KIAA1549: variants seen among roughly 807,000 people sequenced by gnomAD.
KIAA1549 encodes UPF0606 protein KIAA1549.
KIAA1549 carries 70 observed loss-of-function variants against 156.4 expected under a neutral mutation model. The ratio of observed to expected loss-of-function variants is 0.45; its 90% CI spans 0.37 to 0.55. KIAA1549 has a LOEUF of 0.55. KIAA1549 is among the 20% of genes least tolerant of loss of function. The probability of loss-of-function intolerance (pLI) is 0.00; values close to 1 mark genes in which losing one functional copy is unlikely to be tolerated. For missense variants in KIAA1549, 2,428 were observed against 2,540.9 expected, an observed-to-expected ratio of 0.96 and a Z score of 0.96; for synonymous variants, 1,103 against 1,066.4, an observed-to-expected ratio of 1.03 and a Z score of -0.67.
rs1157521344 is a variant in KIAA1549, at chr7:138,867,988, T to C, written c.4916A>G (p.Tyr1639Cys). 4 of 1,613,744 alleles carry C rather than the reference T, an allele frequency of 2.5e-6. No homozygotes were observed. Among genetic ancestry groups the C allele is most frequent in the Non-Finnish European group, 3.4e-6 (4 of 1,179,814 alleles). ...RRPPGVHNSA[Y>C]IGCPSDPDLP... ...GGTGGCACGCACTGGGCATCCGATG[T>C]AGGCTGAGTTGTGGACGCCGGGGGG... is the stretch of plus-strand genomic sequence containing the variant. The change falls in exon 15 of 20, where the codon TAC (tyrosine) becomes TGC (cysteine). Residue 1639 changes from tyrosine to cysteine, a missense_variant. Physicochemically the swap from Tyr to Cys is radical, Grantham distance 194 (BLOSUM62 -2). Around this residue, in one of 5 missense-constraint regions of KIAA1549, gnomAD observed 404 missense variants for 417.0 expected, o/e 0.97. Coordinates refer to ENST00000422774, the MANE Select transcript of KIAA1549 (RefSeq NM_001164665.2).
At chr7:138,876,225 G>A (rs552855193) in intron 12 of KIAA1549, 2 of 152,180 alleles carry the variant, frequency 1.3e-5, no homozygotes, top group Non-Finnish European at 2.9e-5. Context: ...CTGCCTTCAT[G>A]AAAAGATAAG....
At chr7:138,924,834 C>A (rs1017505749) in intron 1 of KIAA1549, among the ~76,000 whole-genome samples, 1 of 152,100 alleles carries the variant, frequency 6.6e-6, no homozygotes, top group African/African-American at 2.4e-5. Flanking sequence ...AATTTTCAAG[C>A]TCTAAAGCAT....
At chr7:138,956,764 T>C (rs1302003913) in intron 1 of KIAA1549, among the ~76,000 whole-genome samples, 1 of 152,226 alleles carries the variant, frequency 6.6e-6, no homozygotes, top group Non-Finnish European at 1.5e-5. Context: ...TACACCAAGT[T>C]GCTATTAATT....
In KIAA1549 at chr7:138,832,696, C is replaced by A. The variant is rs1809573453; in HGVS notation, c.*5210G>T. On this transcript the variant is annotated 3_prime_UTR_variant, in exon 20 of 20. Coordinates refer to ENST00000422774, the MANE Select transcript of KIAA1549 (RefSeq NM_001164665.2). ...TTCCAAAGGCATTTAATATTCTTTT[C>A]CTAAATTTCAATGCTGCTGTGTTTT... The A allele has an allele frequency of 9.2e-6, 2 of 217,276 alleles. No individual in the cohort carries two copies. Among genetic ancestry groups the A allele is most frequent in the Non-Finnish European group, 1.8e-5 (2 of 108,198 alleles). 13.5% of individuals were successfully genotyped at this position (217,276 alleles called of 1,614,324 possible).
At chr7:138,980,203 G>A (rs1814504694) in intron 1 of KIAA1549, among the ~76,000 whole-genome samples, 1 of 152,224 alleles carries the variant, frequency 6.6e-6, no homozygotes, top group Non-Finnish European at 1.5e-5. Flanking sequence ...CCTCAAAGTG[G>A]TCAAGTGCCT....
At chr7:138,912,008 G>A (rs1812183572) in intron 3 of KIAA1549, among the ~76,000 whole-genome samples, 1 of 152,200 alleles carries the variant, frequency 6.6e-6, no homozygotes, top group Admixed American at 6.5e-5. Context: ...AGATGCACCT[G>A]TACTCACTCT....
At chr7:138,881,026 C>T (rs1247377473) in intron 11 of KIAA1549, among the ~76,000 whole-genome samples, 1 of 152,350 alleles carries the variant, frequency 6.6e-6, no homozygotes, top group Non-Finnish European at 1.5e-5. Context: ...ATGTGCTGTG[C>T]ACTCCTTCTA....
In KIAA1549 at chr7:138,844,399, G is replaced by C. The variant is rs747050979; in HGVS notation, c.5370C>G (p.Ala1790=). ...TCCCTCTGGCAGCAAATGGGGCTTCGGCGGAGGCCTGTGGCTGCTGAGGGT... is the reference window on the plus strand; with the variant it reads ...TCCCTCTGGCAGCAAATGGGGCTTCCGCGGAGGCCTGTGGCTGCTGAGGGT... ...PPDPQQPQAS[A]EAPFAARGIY... Residue 1790 remains alanine (A), a synonymous_variant, in exon 18 of 20, where the codon GCC becomes GCG. Transcript: ENST00000422774. The C allele has an allele frequency of 5.6e-6, 9 of 1,607,282 alleles. No individual in the cohort carries two copies. The highest frequency in any genetic ancestry group is 6.8e-6 in the Non-Finnish European group (8 of 1,176,430).
At chr7:138,853,368 A>G (rs1810289074) in intron 16 of KIAA1549, among the ~76,000 whole-genome samples, 1 of 152,184 alleles carries the variant, frequency 6.6e-6, no homozygotes, top group Non-Finnish European at 1.5e-5. Context: ...CCAACTCACA[A>G]AGAAATTAGG....
At chr7:138,876,060 CTG>C (rs1283648680) in intron 12 of KIAA1549, among the ~76,000 whole-genome samples, 3 of 152,154 alleles carry the variant, frequency 2.0e-5, no homozygotes, top group Non-Finnish European at 4.4e-5. Flanking sequence ...CGTTAACATC[CTG>C]TGAGACAGCA....
At chr7:138,904,447 G>A (rs1811949824) in intron 7 of KIAA1549, among the ~76,000 whole-genome samples, 1 of 152,206 alleles carries the variant, frequency 6.6e-6, no homozygotes, top group African/African-American at 2.4e-5. Flanking sequence ...GGAACCCCGT[G>A]AATGGCAACT....
At chr7:138,944,341 T>C (rs930602182) in intron 1 of KIAA1549, among the ~76,000 whole-genome samples, 1 of 152,080 alleles carries the variant, frequency 6.6e-6, no homozygotes, top group Non-Finnish European at 1.5e-5. Context: ...GAAATGCAAA[T>C]CAAAAGCACA....
chr7:138,840,326 A>G, intron 18 of KIAA1549, 48 bp from the exon 19 acceptor site: 1 of 1,555,144 alleles, frequency 6.4e-7, no homozygotes. Context: ...ATAGGAGAGT[A>G]TGGCTGCTGA....
intron 1 of KIAA1549, among the ~76,000 whole-genome samples, chr7:138,960,147 T>C (rs919822948): frequency 3.9e-5 from 6 of 151,974 alleles, no homozygotes; most frequent in Non-Finnish European, 8.8e-5. Flanking sequence ...TCAAAAAATA[T>C]ACATGAGGCT....
At chr7:138,948,111 G>A (rs747379662) in intron 1 of KIAA1549, among the ~76,000 whole-genome samples, 10 of 152,070 alleles carry the variant, frequency 6.6e-5, no homozygotes, top group Non-Finnish European at 1.0e-4. Context: ...GGGAGGAACT[G>A]TGTACCCCAA....
chr7:138,926,008 T>C (rs111352669), intron 1 of KIAA1549, among the ~76,000 whole-genome samples: 6,739 of 152,152 alleles, frequency 0.044, 220 homozygotes, highest in African/African-American at 0.076. Flanking sequence ...GCTGGGAAAA[T>C]ACCTCCTCCT....
intron 13 of KIAA1549, among the ~76,000 whole-genome samples, chr7:138,870,562 C>T (rs922446324): frequency 6.6e-6 from 1 of 152,196 alleles, no homozygotes; most frequent in South Asian, 2.1e-4. Flanking sequence ...GAAACCTGAA[C>T]TGCGTTGAAG....
At chr7:138,875,999 G>C (rs75723397) in intron 12 of KIAA1549, among the ~76,000 whole-genome samples, 12,737 of 151,366 alleles carry the variant, frequency 0.084, 660 homozygotes, top group East Asian at 0.22. Context: ...TCAGAGTCTC[G>C]CTACGTAGCC....
At chr7:138,946,254 C>T (rs2130532140) in intron 1 of KIAA1549, among the ~76,000 whole-genome samples, 1 of 152,262 alleles carries the variant, frequency 6.6e-6, no homozygotes, top group Non-Finnish European at 1.5e-5. Context: ...CTCTTTAAAA[C>T]ATTGTTTTCT....
Sources: allele counts gnomAD v4.1 joint callset (sites outside exome capture counted in the v4.1 genomes callset), GRCh38; gene constraint gnomAD v4.1.1; regional missense constraint gnomAD v4.1.1; transcripts MANE v1.5; gene names NCBI Gene and HGNC (gene_info 2026-07-23, HGNC 2026-07-21).